NPAS3: variants seen among roughly 807,000 people sequenced by gnomAD.
NPAS3 encodes neuronal PAS domain-containing protein 3.
Under a neutral mutation model 73.1 loss-of-function variants are expected in NPAS3, and 14 were observed. That is an observed-to-expected ratio of 0.19 (90% CI 0.13 to 0.30). NPAS3 has a LOEUF of 0.30. NPAS3 is among the 10% of genes least tolerant of loss of function. NPAS3 has a pLI of 1.00. For synonymous variants in NPAS3, 620 were observed against 541.5 expected, an observed-to-expected ratio of 1.14 and a Z score of -2.01; for missense variants, 1,096 against 1,250.0, an observed-to-expected ratio of 0.88 and a Z score of 1.86.
At chr14:32,982,485 G>A (rs2037936834) in intron 1 of NPAS3, among the ~76,000 whole-genome samples, 1 of 152,110 alleles carries the variant, frequency 6.6e-6, no homozygotes, top group African/African-American at 2.4e-5. Context: ...AGAGGCAGGA[G>A]GATTGCTTGA....
At chr14:33,707,639 G>A (rs1380537252) in intron 6 of NPAS3, among the ~76,000 whole-genome samples, 1 of 152,196 alleles carries the variant, frequency 6.6e-6, no homozygotes, top group Non-Finnish European at 1.5e-5. Context: ...TTAAAAGAGA[G>A]AATTCCTGCC....
chr14:33,584,690 G>C (rs947947138), intron 5 of NPAS3, among the ~76,000 whole-genome samples: 1 of 152,134 alleles, frequency 6.6e-6, no homozygotes, highest in Non-Finnish European at 1.5e-5. Context: ...AACATACCCA[G>C]ATTGAAAGGT....
intron 2 of NPAS3, among the ~76,000 whole-genome samples, chr14:33,153,734 C>T (rs2044543393): frequency 6.6e-6 from 1 of 152,114 alleles, no homozygotes; most frequent in African/African-American, 2.4e-5. Context: ...TCCAACAGAA[C>T]CATCCTTTCT....
chr14:33,166,161 T>C (rs2045138128), intron 2 of NPAS3, among the ~76,000 whole-genome samples: 3 of 152,136 alleles, frequency 2.0e-5, no homozygotes, highest in Admixed American at 2.0e-4. Context: ...CCCTCACCCC[T>C]CGGTTCAATT....
At chr14:32,996,859 G>A (rs2038597376) in intron 1 of NPAS3, among the ~76,000 whole-genome samples, 2 of 152,152 alleles carry the variant, frequency 1.3e-5, no homozygotes, top group South Asian at 4.1e-4. Context: ...TGATACTAGG[G>A]CACTGCCTAA....
intron 3 of NPAS3, among the ~76,000 whole-genome samples, chr14:33,338,139 T>C (rs4982075): frequency 0.79 from 119,538 of 152,042 alleles, 47,639 homozygotes; most frequent in African/African-American, 0.92. Context: ...AAGAGCAAAC[T>C]GGATAACTTT....
intron 2 of NPAS3, among the ~76,000 whole-genome samples, chr14:33,129,762 G>T (rs79858919): frequency 0.019 from 2,822 of 152,136 alleles, 46 homozygotes; most frequent in Middle Eastern, 0.041. Context: ...AGAGGTAGAA[G>T]ATTTTATCTT....
At chr14:33,707,783 G>T (rs1032191255) in intron 6 of NPAS3, among the ~76,000 whole-genome samples, 4 of 152,122 alleles carry the variant, frequency 2.6e-5, no homozygotes, top group African/African-American at 7.2e-5. Flanking sequence ...AGAGAAAGAG[G>T]CCTGGAGGAA....
At chr14:33,158,448 C>T (rs1312854281) in intron 2 of NPAS3, among the ~76,000 whole-genome samples, 1 of 152,106 alleles carries the variant, frequency 6.6e-6, no homozygotes, top group Non-Finnish European at 1.5e-5. Flanking sequence ...GATTATGTCC[C>T]TTTTCTAATG....
At chr14:33,063,935 A>G (rs574708128) in intron 2 of NPAS3, among the ~76,000 whole-genome samples, 2 of 152,352 alleles carry the variant, frequency 1.3e-5, no homozygotes, top group South Asian at 2.1e-4. Context: ...AAGAAAAGTC[A>G]TAATGACTAT....
intron 1 of NPAS3, among the ~76,000 whole-genome samples, chr14:33,013,210 G>T (rs1245326095): frequency 1.3e-5 from 2 of 152,184 alleles, no homozygotes; most frequent in Non-Finnish European, 2.9e-5. Context: ...GAGAATGTTG[G>T]CTGTTATTTC....
chr14:33,463,108 G>A (rs2050349376), intron 4 of NPAS3, among the ~76,000 whole-genome samples: 1 of 152,174 alleles, frequency 6.6e-6, no homozygotes, highest in Admixed American at 6.5e-5. Flanking sequence ...GAAGAAAGTG[G>A]AAGGAGTAGT....
chr14:33,003,849 A>G (rs1382081129), intron 1 of NPAS3, among the ~76,000 whole-genome samples: 4 of 152,172 alleles, frequency 2.6e-5, no homozygotes, highest in African/African-American at 9.7e-5. Flanking sequence ...CTAGTCTTTT[A>G]AAGTTGAGCA....
At chr14:32,967,253 T>C (rs1000178249) in intron 1 of NPAS3, among the ~76,000 whole-genome samples, 1 of 152,232 alleles carries the variant, frequency 6.6e-6, no homozygotes, top group African/African-American at 2.4e-5. Flanking sequence ...TCTTAGGATA[T>C]TCTTAATAAT....
chr14:33,258,745 T>TA (rs1456891642), intron 3 of NPAS3, among the ~76,000 whole-genome samples: 1 of 152,230 alleles, frequency 6.6e-6, no homozygotes, highest in Non-Finnish European at 1.5e-5. Context: ...CCTCTCATTA[T>TA]AAATCTTCCA....
intron 7 of NPAS3, among the ~76,000 whole-genome samples, chr14:33,739,648 G>C (rs1338423127): frequency 6.6e-6 from 1 of 152,034 alleles, no homozygotes; most frequent in African/African-American, 2.4e-5. Context: ...GAGTATCATA[G>C]AGCCCTTTAA....
At chr14:33,690,209 C>T (rs2060197280) in intron 6 of NPAS3, among the ~76,000 whole-genome samples, 1 of 152,070 alleles carries the variant, frequency 6.6e-6, no homozygotes, top group Non-Finnish European at 1.5e-5. Flanking sequence ...TGTGGCGGTA[C>T]TCGGTATTGG....
chr14:33,366,541 C>T (rs1034484687), intron 3 of NPAS3, among the ~76,000 whole-genome samples: 3 of 152,130 alleles, frequency 2.0e-5, no homozygotes, highest in Non-Finnish European at 4.4e-5. Flanking sequence ...CCTGGTGAGG[C>T]ACATGCTGGC....
At chr14:33,643,595 TGAAGA>T (rs1384925990) in intron 5 of NPAS3, among the ~76,000 whole-genome samples, 1 of 152,096 alleles carries the variant, frequency 6.6e-6, no homozygotes, top group African/African-American at 2.4e-5. Context: ...TTCTGAAGGT[TGAAGA>T]GAAGAGCAGT....
Sources: allele counts gnomAD v4.1 joint callset (sites outside exome capture counted in the v4.1 genomes callset), GRCh38; gene constraint gnomAD v4.1.1; transcripts MANE v1.5; gene names NCBI Gene and HGNC (gene_info 2026-07-23, HGNC 2026-07-21).